The following IL10RA variants were observed in gnomAD, a reference collection of about 807,000 sequenced individuals.
IL10RA encodes the protein interleukin-10 receptor subunit alpha.
IL10RA carries 18 observed loss-of-function variants against 29.6 expected under a neutral mutation model. The ratio of observed to expected loss-of-function variants is 0.61; its 90% CI spans 0.42 to 0.90. The LOEUF is 0.90. Ranked by LOEUF, IL10RA falls within the 40% of genes least tolerant of loss-of-function variation. The pLI, the probability that IL10RA is intolerant of heterozygous loss-of-function variation, is 0.00. For missense variants in IL10RA, 634 were observed against 716.6 expected, an observed-to-expected ratio of 0.88 and a Z score of 1.32; for synonymous variants, 292 against 294.1, an observed-to-expected ratio of 0.99 and a Z score of 0.07.
At chr11:117,992,868 G>T (rs554999485) in intron 3 of IL10RA, 5 of 263,586 alleles carry the variant, frequency 1.9e-5, no homozygotes, top group Non-Finnish European at 3.0e-5. Flanking sequence ...TGATTGTTGC[G>T]TAAGAGGTGA....
At chr11:117,987,213 T>G in intron 1 of IL10RA, 1 of 256,822 alleles carries the variant, frequency 3.9e-6, no homozygotes, top group South Asian at 4.2e-5. Flanking sequence ...AACTGCTTCT[T>G]CATGACACCA....
chr11:117,989,442 G>A lies in IL10RA; in HGVS notation c.189G>A (p.Arg63=), dbSNP rs1565370880. The A allele has an allele frequency of 6.2e-7, 1 of 1,613,910 alleles. No homozygotes were observed. The highest frequency in any genetic ancestry group is 1.3e-5 in the African/African-American group (1 of 75,040). ...ESTCYEVALL[R]YGIESWNSIS... ...AGTGCCTAACCTGGTATCTCCTCAG[G>A]TATGGAATAGAGTCCTGGAACTCCA... The change falls in exon 3 of 7, where the codon AGG becomes AGA. Residue 63 remains arginine (R), a splice_region_variant and synonymous_variant. Transcript: ENST00000227752. This position sits in a 1 kb window ranked among gnomAD's most constrained non-coding sequence, Gnocchi z 4.5.
At position 117,998,945 on chromosome 11, in the gene IL10RA, G is replaced by T. The variant is rs62636561; in HGVS notation, c.1041G>T (p.Thr347=). The T allele has an allele frequency of 6.2e-7, 1 of 1,613,336 alleles. No individual in the cohort carries two copies. Among genetic ancestry groups the T allele is most frequent in the African/African-American group, 1.3e-5 (1 of 74,930 alleles). ...LPDPHPQADR[T]LGNREPPVLG... is the part of the protein sequence containing the mutation. ...ACCCTCACCCCCAGGCTGACAGAAC[G>T]CTGGGAAACAGGGAGCCCCCTGTGC... The change falls in exon 7 of 7, where the codon ACG becomes ACT. Residue 347 remains threonine, a synonymous_variant. Transcript: ENST00000227752.
At chr11:117,988,806 G>A (rs2058004791) in intron 2 of IL10RA, among the ~76,000 whole-genome samples, 1 of 152,266 alleles carries the variant, frequency 6.6e-6, no homozygotes, top group African/African-American at 2.4e-5. Context: ...TGTCACCCAG[G>A]CTGGAGTGCA....
chr11:117,995,125 T>TA (rs1381091888), intron 5 of IL10RA: 1 of 208,094 alleles, frequency 4.8e-6, no homozygotes, highest in African/African-American at 2.3e-5. Flanking sequence ...GTATAAAAGT[T>TA]AAAAGAATCT....
chr11:117,993,777 T>C (rs898503420), intron 4 of IL10RA, among the ~76,000 whole-genome samples: 4 of 152,220 alleles, frequency 2.6e-5, no homozygotes, highest in African/African-American at 9.6e-5. Flanking sequence ...TCTGGGAAGA[T>C]CTTCAGCATC....
At position 118,000,179 on chromosome 11, in the gene IL10RA, C is replaced by T. The variant is rs770342673; in HGVS notation, c.*538C>T. On this transcript the variant is annotated 3_prime_UTR_variant, in exon 7 of 7. Transcript: ENST00000227752. ...ACATGGGGAACCTCCCCTCATCGGGCCTCTGGGGCAGGAAGCTTGTCACTG... is the reference window on the plus strand; with the variant it reads ...ACATGGGGAACCTCCCCTCATCGGGTCTCTGGGGCAGGAAGCTTGTCACTG... 2.2e-6 allele frequency: 1 copy of T among 454,130 alleles called. No homozygotes were observed. The allele number at this position is 454,130 out of a possible 1,614,324, so 28.1% of individuals were successfully genotyped here.
At position 117,989,304 on chromosome 11, in the gene IL10RA, G is replaced by A; in HGVS notation, c.189-138G>A. On this transcript the variant is annotated intron_variant, in intron 2 of 6. Transcript: ENST00000227752. The surrounding 1 kb of genome is among the most constrained non-coding windows in gnomAD (Gnocchi z 4.5). ...GAGACCCCTCACAATGAGCTGCCGTGGACTAGAGGATATAGCCTGAGGGCT... is the reference window on the plus strand; with the variant it reads ...GAGACCCCTCACAATGAGCTGCCGTAGACTAGAGGATATAGCCTGAGGGCT... The A allele has an allele frequency of 2.5e-6, 2 of 799,344 alleles. No homozygotes were observed. Among genetic ancestry groups the A allele is most frequent in the Non-Finnish European group, 4.4e-6 (2 of 454,376 alleles). 49.5% of individuals were successfully genotyped at this position (799,344 alleles called of 1,614,324 possible). A position where few individuals can be genotyped will look rare whatever the true frequency, so the allele number is the denominator to read the frequency against.
chr11:117,993,214 A>AT, intron 3 of IL10RA, 27 bp from the exon 4 acceptor site: 1 of 1,604,190 alleles, frequency 6.2e-7, no homozygotes, highest in Non-Finnish European at 8.5e-7. Flanking sequence ...GTCTCATGGT[A>AT]TTCCCCCCCA....
intron 6 of IL10RA, among the ~76,000 whole-genome samples, chr11:117,998,024 G>A (rs1016448741): frequency 2.0e-5 from 3 of 152,184 alleles, no homozygotes; most frequent in African/African-American, 7.2e-5. Context: ...CTAGGGCAGA[G>A]GGGTTATGTG....
Position 117,999,809 on chromosome 11 carries a change from G to A in IL10RA, c.*168G>A. On this transcript the variant is annotated 3_prime_UTR_variant, in exon 7 of 7. Coordinates refer to ENST00000227752, the MANE Select transcript of IL10RA (RefSeq NM_001558.4). ...CTGCAGGGCTGGTCAGGGTGTCTGG[G>A]GCAGGAGGAGGCCAACTCACTGAAC... is the stretch of plus-strand genomic sequence containing the variant. 1 of 710,906 alleles carries A rather than the reference G, an allele frequency of 1.4e-6. No homozygotes were observed. Among genetic ancestry groups the A allele is most frequent in the Non-Finnish European group, 2.5e-6 (1 of 394,946 alleles). 44.0% of individuals were successfully genotyped at this position (710,906 alleles called of 1,614,324 possible). A position where few individuals can be genotyped will look rare whatever the true frequency, so the allele number is the denominator to read the frequency against.
intron 3 of IL10RA, among the ~76,000 whole-genome samples, chr11:117,991,583 A>G (rs2512144): frequency 0.7 from 106,115 of 151,984 alleles, 37,485 homozygotes; most frequent in East Asian, 0.99. Context: ...TCTGGTAACC[A>G]CTTCTACTCT....
In IL10RA at chr11:117,995,758, G is replaced by A. The variant is rs201227975; in HGVS notation, c.810+48G>A. On this transcript the variant is annotated intron_variant, in intron 6 of 6. Coordinates refer to ENST00000227752, the MANE Select transcript of IL10RA (RefSeq NM_001558.4). The stretch of plus-strand genomic sequence containing the variant: ...TGCCCCGTCCTTCCCAGCCACACCC[G>A]AGCTTCCAGGAGGGCAGGGAGCTCT... The A allele has an allele frequency of 3.0e-5, 48 of 1,599,314 alleles. 1 individual carries two copies. The highest frequency in any genetic ancestry group is 2.9e-4 in the African/African-American group (22 of 74,822).
At chr11:117,988,226 C>A in intron 1 of IL10RA, 156 bp from the exon 2 acceptor site, 1 of 839,488 alleles carries the variant, frequency 1.2e-6, no homozygotes, top group Non-Finnish European at 2.0e-6. Flanking sequence ...TAGAATCAGA[C>A]ACATGTGGAT....
At chr11:117,997,142 T>G (rs968515759) in intron 6 of IL10RA, among the ~76,000 whole-genome samples, 7 of 152,254 alleles carry the variant, frequency 4.6e-5, no homozygotes, top group Non-Finnish European at 8.8e-5. Flanking sequence ...GAATTCCAGA[T>G]GTGTTCTTTA....
At chr11:117,992,707 A>G (rs190507956) in intron 3 of IL10RA, among the ~76,000 whole-genome samples, 66 of 152,212 alleles carry the variant, frequency 4.3e-4, no homozygotes, top group African/African-American at 1.6e-3. Context: ...ATGCAATCCC[A>G]TTTGTCTATT....
intron 3 of IL10RA, among the ~76,000 whole-genome samples, chr11:117,990,136 T>A (rs549114044): frequency 6.6e-6 from 1 of 152,336 alleles, no homozygotes; most frequent in South Asian, 2.1e-4. Flanking sequence ...CCAGTTGGGA[T>A]TGAGAAAGTT....
At position 117,993,388 on chromosome 11, in the gene IL10RA, G is replaced by T. The variant is rs769225123; in HGVS notation, c.515G>T (p.Arg172Leu). The change falls in exon 4 of 7, where the codon CGC (arginine) becomes CTC (leucine). Residue 172 changes from arginine to leucine, a missense_variant. By Grantham distance (102) the Arg-to-Leu change is moderately radical. Transcript: ENST00000227752. Reference sequence around the variant, plus strand: ...TTCCGAGAGTATGAGATTGCCATTCGCAAGGTGCCGGGAAACTTCACGGTA... The same window carrying T: ...TTCCGAGAGTATGAGATTGCCATTCTCAAGGTGCCGGGAAACTTCACGGTA... Reference protein sequence around the residue: ...SHFREYEIAIRKVPGNFTFTH... With the variant: ...SHFREYEIAILKVPGNFTFTH... 1.1e-5 allele frequency: 18 copies of T among 1,614,174 alleles called. No individual in the cohort carries two copies. Among genetic ancestry groups the T allele is most frequent in the East Asian group, 4.5e-5 (2 of 44,890 alleles).
chr11:117,990,464 G>C (rs1056867299), intron 3 of IL10RA, among the ~76,000 whole-genome samples: 1 of 151,962 alleles, frequency 6.6e-6, no homozygotes. Flanking sequence ...TGGTTTTTAG[G>C]GCATATTACT....
Sources: gnomAD v4.1 joint callset for allele counts (sites outside exome capture counted in the v4.1 genomes callset) on GRCh38, gnomAD v4.1.1 for gene constraint, Gnocchi (gnomAD v3.1) non-coding constraint, MANE v1.5 for transcripts, NCBI Gene and HGNC (gene_info 2026-07-23, HGNC 2026-07-21) for gene names.